Variants in SLC9A9 observed in about 807,000 individuals in gnomAD.
SLC9A9 encodes solute carrier family 9 member A9, also known as sodium/hydrogen exchanger 9.
SLC9A9 carries 62 observed loss-of-function variants against 77.8 expected under a neutral mutation model. The observed-to-expected ratio is 0.80, with a 90% CI of 0.65 to 0.98. The LOEUF (loss-of-function observed/expected upper bound fraction) is 0.98, where lower values mean the gene tolerates loss of function less well. SLC9A9 is among the 50% of genes least tolerant of loss of function. The probability of loss-of-function intolerance (pLI) is 0.00; values close to 1 mark genes in which losing one functional copy is unlikely to be tolerated. For synonymous variants in SLC9A9, 320 were observed against 283.5 expected, an observed-to-expected ratio of 1.13 and a Z score of -1.29; for missense variants, 775 against 774.9, an observed-to-expected ratio of 1.00 and a Z score of 0.00.
intron 9 of SLC9A9, among the ~76,000 whole-genome samples, chr3:143,521,906 T>C (rs1017453871): frequency 2.6e-5 from 4 of 152,168 alleles, no homozygotes; most frequent in African/African-American, 9.7e-5. Context: ...CACTCTGCTG[T>C]CTCTCAATGA....
chr3:143,557,889 A>G (rs1034296893), intron 8 of SLC9A9, among the ~76,000 whole-genome samples: 2 of 152,266 alleles, frequency 1.3e-5, no homozygotes, highest in African/African-American at 2.4e-5. Flanking sequence ...AGAGAAATTC[A>G]AGACCATTGC....
chr3:143,678,891 C>T (rs989939001), intron 5 of SLC9A9, among the ~76,000 whole-genome samples: 7 of 152,252 alleles, frequency 4.6e-5, no homozygotes, highest in East Asian at 3.9e-4. Context: ...ATAATAGCAT[C>T]GGCTACTGCT....
At chr3:143,592,800 C>T (rs1033416685) in intron 6 of SLC9A9, among the ~76,000 whole-genome samples, 3 of 152,164 alleles carry the variant, frequency 2.0e-5, no homozygotes, top group Non-Finnish European at 4.4e-5. Flanking sequence ...GGGCTCAGCT[C>T]TCTCCAGGTC....
At chr3:143,695,492 A>G (rs1294512837) in intron 4 of SLC9A9, among the ~76,000 whole-genome samples, 1 of 152,136 alleles carries the variant, frequency 6.6e-6, no homozygotes, top group Non-Finnish European at 1.5e-5. Flanking sequence ...AGCTTCATCC[A>G]TGTCCCTGCA....
At chr3:143,346,751 C>T (rs1289797977) in intron 14 of SLC9A9, among the ~76,000 whole-genome samples, 4 of 152,080 alleles carry the variant, frequency 2.6e-5, no homozygotes, top group Non-Finnish European at 1.5e-5. Flanking sequence ...CGAGATAGTG[C>T]CATTGCACTC....
intron 13 of SLC9A9, chr3:143,381,828 T>C (rs892251294): frequency 1.8e-6 from 1 of 546,514 alleles, no homozygotes; most frequent in Non-Finnish European, 3.3e-6. Context: ...TTTCCAGACT[T>C]CCTGCTGCCA....
chr3:143,310,119 C>T (rs2030960363), intron 14 of SLC9A9, among the ~76,000 whole-genome samples: 2 of 152,200 alleles, frequency 1.3e-5, no homozygotes, highest in Non-Finnish European at 2.9e-5. Flanking sequence ...TTAAGCCAGC[C>T]TTCTCCTGCT....
At chr3:143,359,013 G>C (rs908453639) in intron 14 of SLC9A9, among the ~76,000 whole-genome samples, 2 of 152,202 alleles carry the variant, frequency 1.3e-5, no homozygotes, top group East Asian at 3.9e-4. Flanking sequence ...CCTGTCTAGG[G>C]AGTGAGACAC....
At chr3:143,796,108 G>A (rs919753267) in intron 3 of SLC9A9, among the ~76,000 whole-genome samples, 8 of 152,214 alleles carry the variant, frequency 5.3e-5, no homozygotes, top group African/African-American at 1.7e-4. Flanking sequence ...GTGGGCTGGA[G>A]CCTCACTCTG....
chr3:143,764,100 C>G (rs2007225784), intron 4 of SLC9A9, among the ~76,000 whole-genome samples: 1 of 152,074 alleles, frequency 6.6e-6, no homozygotes, highest in Non-Finnish European at 1.5e-5. Flanking sequence ...AAAAAATCCA[C>G]TCTGACAGGG....
At chr3:143,664,024 A>C (rs140175644) in intron 5 of SLC9A9, among the ~76,000 whole-genome samples, 110 of 152,280 alleles carry the variant, frequency 7.2e-4, no homozygotes, top group African/African-American at 2.5e-3. Context: ...GAGACACGTA[A>C]TTGTCAGATT....
At position 143,592,740 on chromosome 3, in the gene SLC9A9, T is replaced by C. The variant is rs76907445; in HGVS notation, c.756-14017A>G. Among the ~76,000 whole-genome samples, 814 of 152,270 alleles carry C rather than the reference T, an allele frequency of 5.3e-3. 9 individuals carry two copies. The highest frequency in any genetic ancestry group is 0.019 in the African/African-American group (773 of 41,532). On this transcript the variant is annotated intron_variant, in intron 6 of 15. Transcript: ENST00000316549. ...AATGATGTTAACTGTATTGATTCAA[T>C]ACATCAAAGGTCATCTGGCCCGGAC...
At chr3:143,449,830 A>AT (rs1559921669) in intron 12 of SLC9A9, among the ~76,000 whole-genome samples, 6 of 25,896 alleles carry the variant, frequency 2.3e-4, no homozygotes, top group Admixed American at 1.8e-3. Context: ...TTACATATAT[A>AT]ATTATATGTA....
intron 12 of SLC9A9, among the ~76,000 whole-genome samples, chr3:143,456,570 T>C (rs2035095978): frequency 1.3e-5 from 1 of 76,730 alleles, no homozygotes; most frequent in African/African-American, 1.2e-4. Flanking sequence ...CTTTCTTTCT[T>C]TTTTTTTTTT....
At chr3:143,515,797 C>T (rs1342833673) in intron 9 of SLC9A9, among the ~76,000 whole-genome samples, 2 of 152,054 alleles carry the variant, frequency 1.3e-5, no homozygotes, top group African/African-American at 4.8e-5. Context: ...TTGTTTACAA[C>T]CTTTATATCT....
chr3:143,381,871 G>T, intron 13 of SLC9A9, 189 bp downstream of exon 13: 1 of 670,858 alleles, frequency 1.5e-6, no homozygotes, highest in African/African-American at 1.8e-5. Context: ...CTAGTTCTAA[G>T]CATTCATATG....
At chr3:143,814,751 C>A (rs1276042696) in intron 2 of SLC9A9, among the ~76,000 whole-genome samples, 1 of 152,022 alleles carries the variant, frequency 6.6e-6, no homozygotes, top group East Asian at 1.9e-4. Flanking sequence ...TGGGGAGGAG[C>A]CGACTCTACC....
At position 143,343,141 on chromosome 3, in the gene SLC9A9, G is replaced by T. The variant is rs112114778; in HGVS notation, c.1604+20343C>A. Among the ~76,000 whole-genome samples the T allele has an allele frequency of 4.6e-5, 7 of 152,254 alleles. 1 individual carries two copies. Among genetic ancestry groups the T allele is most frequent in the African/African-American group, 1.7e-4 (7 of 41,550 alleles). On this transcript the variant is annotated intron_variant, in intron 14 of 15. Coordinates refer to ENST00000316549, the MANE Select transcript of SLC9A9 (RefSeq NM_173653.4). The stretch of plus-strand genomic sequence containing the variant: ...TTAGACACCCAGAGGAGGAGATAAT[G>T]GTTTTGATTGTGCTAGATGGTTTGA...
chr3:143,453,430 A>G (rs2035040347), intron 12 of SLC9A9, among the ~76,000 whole-genome samples: 1 of 152,154 alleles, frequency 6.6e-6, no homozygotes, highest in South Asian at 2.1e-4. Context: ...AAACTATAAG[A>G]CTAATTCAAA....
Sources: allele counts gnomAD v4.1 joint callset (sites outside exome capture counted in the v4.1 genomes callset), GRCh38; gene constraint gnomAD v4.1.1; transcripts MANE v1.5; gene names NCBI Gene and HGNC (gene_info 2026-07-23, HGNC 2026-07-21).